Variants in ITFG1 observed in about 807,000 individuals in gnomAD.
The protein encoded by ITFG1 is T-cell immunomodulatory protein.
In ITFG1, 34 loss-of-function variants were observed where a neutral mutation model predicts 81.8. The ratio of observed to expected loss-of-function variants is 0.42; its 90% CI spans 0.32 to 0.55. The LOEUF (loss-of-function observed/expected upper bound fraction) is 0.55, where lower values mean the gene tolerates loss of function less well. Among genes scored for constraint, ITFG1 ranks in the 20% least tolerant of loss-of-function variants. ITFG1 has a pLI of 0.17. For missense variants in ITFG1, 672 were observed against 755.4 expected (o/e 0.89, Z 1.29); for synonymous variants, 285 against 270.6 (o/e 1.05, Z -0.52).
intron 8 of ITFG1, among the ~76,000 whole-genome samples, chr16:47,362,729 A>C (rs377142670): frequency 5.1e-4 from 78 of 152,264 alleles, no homozygotes; most frequent in African/African-American, 1.7e-3. Flanking sequence ...TTTCCACAAG[A>C]CTTATTAGCA....
At position 47,282,122 on chromosome 16, in the gene ITFG1, C is replaced by T. The variant is rs536586472; in HGVS notation, c.1071-21427G>A. Among the ~76,000 whole-genome samples the T allele has an allele frequency of 4.0e-5, 6 of 151,482 alleles. No homozygotes were observed. In the East Asian group the frequency reaches 9.8e-4, roughly 25 times the overall value. On this transcript the variant is annotated intron_variant, in intron 10 of 17. Transcript: ENST00000320640. ...GGTACAATATATCCTATTGTACCCA[C>T]GTACAGTACAGTAGTATATATTGTA...
At chr16:47,237,266 C>G in intron 13 of ITFG1, among the ~76,000 whole-genome samples, 1 of 152,140 alleles carries the variant, frequency 6.6e-6, no homozygotes, top group East Asian at 1.9e-4. Context: ...AATGAGAACA[C>G]CTAGTTTGTA....
chr16:47,439,447 A>T (rs1032388280), intron 5 of ITFG1, among the ~76,000 whole-genome samples: 6 of 152,322 alleles, frequency 3.9e-5, no homozygotes, highest in East Asian at 1.9e-4. Context: ...AAGGTCGGGT[A>T]ACCCACAAAG....
intron 6 of ITFG1, among the ~76,000 whole-genome samples, chr16:47,423,497 C>G (rs1344166579): frequency 1.3e-5 from 2 of 152,054 alleles, no homozygotes; most frequent in African/African-American, 4.8e-5. Context: ...GGTTATTTTG[C>G]CCGTTAATTG....
intron 10 of ITFG1, among the ~76,000 whole-genome samples, chr16:47,305,802 TAAAG>T (rs893981804): frequency 6.6e-6 from 1 of 152,026 alleles, no homozygotes; most frequent in Non-Finnish European, 1.5e-5. Context: ...TGGGGGAAAA[TAAAG>T]AAAATTTCAG....
At chr16:47,247,384 G>A (rs981805719) in intron 12 of ITFG1, among the ~76,000 whole-genome samples, 2 of 152,178 alleles carry the variant, frequency 1.3e-5, no homozygotes, top group African/African-American at 4.8e-5. Context: ...AGTTTTATAT[G>A]TATGTTAGTA....
chr16:47,338,131 C>CA (rs1415920652), intron 8 of ITFG1, among the ~76,000 whole-genome samples: 1 of 152,190 alleles, frequency 6.6e-6, no homozygotes, highest in Non-Finnish European at 1.5e-5. Flanking sequence ...CACTATAGGC[C>CA]AGGCGCAGTG....
intron 8 of ITFG1, among the ~76,000 whole-genome samples, chr16:47,351,665 C>T (rs997865325): frequency 2.0e-5 from 3 of 152,162 alleles, no homozygotes; most frequent in African/African-American, 4.8e-5. Context: ...CAGTGCCATC[C>T]GCATCAAGCT....
chr16:47,422,617 G>T (rs1343257885), intron 6 of ITFG1, among the ~76,000 whole-genome samples: 3 of 152,184 alleles, frequency 2.0e-5, no homozygotes, highest in Non-Finnish European at 4.4e-5. Context: ...AGTCCGTCTA[G>T]TCCTGGACTT....
chr16:47,363,831 CT>C (rs1210415927), intron 8 of ITFG1, among the ~76,000 whole-genome samples: 5 of 151,184 alleles, frequency 3.3e-5, no homozygotes, highest in African/African-American at 2.4e-5. Context: ...CTAGTCTTCT[CT>C]TTTTTTTTAG....
At chr16:47,269,031 A>G (rs930579664) in intron 10 of ITFG1, among the ~76,000 whole-genome samples, 2 of 152,242 alleles carry the variant, frequency 1.3e-5, no homozygotes, top group Non-Finnish European at 2.9e-5. Context: ...GGGCATCTAC[A>G]GAAGACCTAC....
intron 14 of ITFG1, among the ~76,000 whole-genome samples, chr16:47,175,093 T>G (rs866674196): frequency 1.3e-5 from 2 of 152,086 alleles, no homozygotes; most frequent in Non-Finnish European, 2.9e-5. Flanking sequence ...TGACATTAAT[T>G]AAAATGGAGA....
intron 6 of ITFG1, among the ~76,000 whole-genome samples, chr16:47,382,679 T>C (rs1968410939): frequency 6.6e-6 from 1 of 152,160 alleles, no homozygotes; most frequent in Admixed American, 6.5e-5. Context: ...TGGAAACCAC[T>C]GGCTTTATTT....
At chr16:47,436,321 T>C (rs1969166059) in intron 5 of ITFG1, among the ~76,000 whole-genome samples, 1 of 152,034 alleles carries the variant, frequency 6.6e-6, no homozygotes, top group African/African-American at 2.4e-5. Context: ...CTAAAAAAAA[T>C]AAAGTTTGCA....
intron 8 of ITFG1, among the ~76,000 whole-genome samples, chr16:47,322,158 TA>T (rs1967457960): frequency 1.3e-5 from 2 of 152,096 alleles, no homozygotes; most frequent in South Asian, 4.1e-4. Context: ...AGTGGAACTT[TA>T]AAAATAAGAA....
intron 8 of ITFG1, among the ~76,000 whole-genome samples, chr16:47,327,968 A>G (rs2151572117): frequency 6.6e-6 from 1 of 152,314 alleles, no homozygotes. Flanking sequence ...CCATCCCATT[A>G]CTGGCTATAT....
At chr16:47,247,689 T>C (rs1423426195) in intron 12 of ITFG1, among the ~76,000 whole-genome samples, 1 of 151,818 alleles carries the variant, frequency 6.6e-6, no homozygotes, top group Admixed American at 6.6e-5. Flanking sequence ...ATTTATAAGG[T>C]TTATAAAAAC....
intron 6 of ITFG1, among the ~76,000 whole-genome samples, chr16:47,376,805 C>T (rs1483838939): frequency 6.6e-6 from 1 of 151,852 alleles, no homozygotes; most frequent in Non-Finnish European, 1.5e-5. Flanking sequence ...CCCATCGCTA[C>T]TAAAAATACA....
At chr16:47,201,124 T>A (rs1965419578) in intron 14 of ITFG1, among the ~76,000 whole-genome samples, 1 of 152,230 alleles carries the variant, frequency 6.6e-6, no homozygotes, top group South Asian at 2.1e-4. Flanking sequence ...ACTCAAACAC[T>A]TATTTTCAGA....
Sources: allele counts gnomAD v4.1 joint callset (sites outside exome capture counted in the v4.1 genomes callset), GRCh38; gene constraint gnomAD v4.1.1; transcripts MANE v1.5; gene names NCBI Gene and HGNC (gene_info 2026-07-23, HGNC 2026-07-21).